The following HDAC9 variants were observed in gnomAD, a reference collection of about 807,000 sequenced individuals.
HDAC9 encodes the protein MEF-2 interacting transcription repressor (MITR) protein.
Under a neutral mutation model 139.4 loss-of-function variants are expected in HDAC9, and 41 were observed. That is an observed-to-expected ratio of 0.29 (90% confidence interval 0.23 to 0.38). The LOEUF is 0.38. HDAC9 is among the 10% of genes least tolerant of loss of function. HDAC9 has a pLI of 1.00. For synonymous variants in HDAC9, 517 were observed against 476.2 expected (o/e 1.09, Z -1.12); for missense variants, 1,147 against 1,297.0 (o/e 0.88, Z 1.78).
At chr7:18,431,979 C>T in intron 1 of HDAC9, among the ~76,000 whole-genome samples, 1 of 152,186 alleles carries the variant, frequency 6.6e-6, no homozygotes, top group Non-Finnish European at 1.5e-5. Context: ...ATCTTCTGCA[C>T]CTTCCTCCTC....
upstream of HDAC9, among the ~76,000 whole-genome samples, chr7:18,285,531 C>T (rs1047430426): frequency 1.7e-4 from 26 of 151,868 alleles, no homozygotes; most frequent in African/African-American, 6.3e-4. Context: ...TTAAAAGATT[C>T]TTGATATAGT....
chr7:18,765,076 C>T (rs1030599696), intron 15 of HDAC9, among the ~76,000 whole-genome samples: 9 of 152,056 alleles, frequency 5.9e-5, no homozygotes, highest in Non-Finnish European at 1.2e-4. Flanking sequence ...AGTTTCCAGT[C>T]GTCTTGAGGC....
chr7:18,798,226 C>A (rs552130589), intron 17 of HDAC9, among the ~76,000 whole-genome samples: 45 of 152,212 alleles, frequency 3.0e-4, no homozygotes, highest in African/African-American at 1.0e-3. Flanking sequence ...ATTCCAAAGT[C>A]ATTTTACCAC....
At chr7:18,905,084 C>CAGGGTTT (rs1802103058) in intron 22 of HDAC9, among the ~76,000 whole-genome samples, 3 of 151,436 alleles carry the variant, frequency 2.0e-5, no homozygotes, top group Admixed American at 2.0e-4. Context: ...TTTTTAGCAA[C>CAGGGTTT]CTGACCATGT....
intron 1 of HDAC9, among the ~76,000 whole-genome samples, chr7:18,443,882 AACATTTGTATAT>A (rs1348736134): frequency 4.6e-5 from 7 of 151,730 alleles, no homozygotes; most frequent in African/African-American, 1.7e-4. Context: ...ACATTTGTAT[AACATTTGTATAT>A]ACATTTGTAT....
At chr7:18,265,018 A>G (rs1795910708) in intron 2 of HDAC9, among the ~76,000 whole-genome samples, 1 of 152,178 alleles carries the variant, frequency 6.6e-6, no homozygotes. Flanking sequence ...GTTCCCAGAA[A>G]TGCTTGTGTT....
At chr7:18,405,774 G>T (rs1007180564) in intron 1 of HDAC9, among the ~76,000 whole-genome samples, 2 of 152,182 alleles carry the variant, frequency 1.3e-5, no homozygotes, top group Non-Finnish European at 2.9e-5. Context: ...ATAATAATTT[G>T]CCATCTTCAA....
chr7:18,372,659 T>G (rs1438408406), intron 1 of HDAC9, among the ~76,000 whole-genome samples: 1 of 152,200 alleles, frequency 6.6e-6, no homozygotes, highest in African/African-American at 2.4e-5. Context: ...ATCACGACAG[T>G]GTCCCTAGGA....
intron 1 of HDAC9, among the ~76,000 whole-genome samples, chr7:18,120,539 C>G (rs908933259): frequency 9.2e-5 from 14 of 151,458 alleles, no homozygotes; most frequent in African/African-American, 2.7e-4. Flanking sequence ...ATCCTCGTTT[C>G]TTCATTTTTA....
chr7:18,729,610 C>A (rs1408345425), intron 13 of HDAC9, among the ~76,000 whole-genome samples: 1 of 152,130 alleles, frequency 6.6e-6, no homozygotes, highest in Non-Finnish European at 1.5e-5. Context: ...GTAAACCCAG[C>A]AACATAAACA....
At chr7:18,995,093 CCTTT>C (rs1786353501) in intron 25 of HDAC9, among the ~76,000 whole-genome samples, 1 of 152,166 alleles carries the variant, frequency 6.6e-6, no homozygotes, top group Non-Finnish European at 1.5e-5. Flanking sequence ...AATTTTACCT[CCTTT>C]ATTTTTTAAC....
At chr7:18,093,707 T>C (rs937115818) in intron 1 of HDAC9, among the ~76,000 whole-genome samples, 2 of 152,236 alleles carry the variant, frequency 1.3e-5, no homozygotes, top group Non-Finnish European at 2.9e-5. Context: ...TCTTTGGCCA[T>C]AGGGTTCTTT....
chr7:18,801,713 T>C (rs971879992), intron 17 of HDAC9, among the ~76,000 whole-genome samples: 2 of 152,090 alleles, frequency 1.3e-5, no homozygotes, highest in Non-Finnish European at 2.9e-5. Context: ...GCCTTGTTAT[T>C]TAGGAAGATT....
chr7:18,181,247 C>T (rs575293770), intron 2 of HDAC9, among the ~76,000 whole-genome samples: 6 of 152,288 alleles, frequency 3.9e-5, no homozygotes, highest in Middle Eastern at 6.8e-3. Context: ...CTATTCATTT[C>T]ATTCATTTGT....
chr7:18,922,218 TAAACTA>T (rs1304327512), intron 22 of HDAC9, among the ~76,000 whole-genome samples: 2 of 152,098 alleles, frequency 1.3e-5, no homozygotes, highest in Non-Finnish European at 2.9e-5. Context: ...CCCTACAACT[TAAACTA>T]TAATAATAAT....
At chr7:18,331,246 T>C (rs977678871) in intron 1 of HDAC9, among the ~76,000 whole-genome samples, 20 of 151,768 alleles carry the variant, frequency 1.3e-4, no homozygotes, top group Admixed American at 4.6e-4. Context: ...ATCAGGCATG[T>C]AATACATTTG....
intron 22 of HDAC9, among the ~76,000 whole-genome samples, chr7:18,875,524 T>C (rs1799255207): frequency 1.3e-5 from 2 of 152,198 alleles, no homozygotes; most frequent in South Asian, 2.1e-4. Flanking sequence ...TGGCTTCTCA[T>C]GTGAAAGAGT....
At chr7:18,990,733 C>T (rs373847555) in intron 25 of HDAC9, among the ~76,000 whole-genome samples, 31 of 152,336 alleles carry the variant, frequency 2.0e-4, no homozygotes, top group Middle Eastern at 6.8e-3. Flanking sequence ...GAGCCATGTG[C>T]GGGATATAAT....
At chr7:18,874,723 T>G in intron 22 of HDAC9, 127 bp downstream of exon 22, 3 of 627,474 alleles carry the variant, frequency 4.8e-6, no homozygotes, top group Non-Finnish European at 5.8e-6. Flanking sequence ...ATGATTCAGG[T>G]GGTGTTTATT....
Sources: allele counts gnomAD v4.1 joint callset (sites outside exome capture counted in the v4.1 genomes callset), GRCh38; gene constraint gnomAD v4.1.1; transcripts MANE v1.5; gene names NCBI Gene and HGNC (gene_info 2026-07-23, HGNC 2026-07-21).